Variants in SHC4 observed in about 807,000 individuals in gnomAD.
The protein encoded by SHC4 is SHC adaptor protein 4.
Under a neutral mutation model 69.4 loss-of-function variants are expected in SHC4, and 41 were observed. That is an observed-to-expected ratio of 0.59 (90% confidence interval 0.46 to 0.77). The LOEUF is 0.77. SHC4 is among the 30% of genes least tolerant of loss of function. The probability of loss-of-function intolerance (pLI) is 0.00; values close to 1 mark genes in which losing one functional copy is unlikely to be tolerated. For missense variants in SHC4, 777 were observed against 783.8 expected, an observed-to-expected ratio of 0.99 and a Z score of 0.10; for synonymous variants, 318 against 299.3, an observed-to-expected ratio of 1.06 and a Z score of -0.64.
At chr15:48,924,845 C>G (rs1900819694) in intron 2 of SHC4, 34 bp downstream of exon 2, 1 of 1,604,582 alleles carries the variant, frequency 6.2e-7, no homozygotes, top group Non-Finnish European at 8.5e-7. Context: ...TTAAACCATA[C>G]TCCTCAAAGC....
At chr15:48,954,086 G>C (rs1280249891) in intron 1 of SHC4, among the ~76,000 whole-genome samples, 1 of 152,164 alleles carries the variant, frequency 6.6e-6, no homozygotes, top group Non-Finnish European at 1.5e-5. Context: ...TCATCCCACT[G>C]GCTCAAGGTT....
At chr15:48,955,279 C>T (rs1901427142) in intron 1 of SHC4, among the ~76,000 whole-genome samples, 1 of 152,122 alleles carries the variant, frequency 6.6e-6, no homozygotes, top group African/African-American at 2.4e-5. Context: ...GTGTGCAAAC[C>T]TAGCCACCTT....
rs577706661 is a variant in SHC4 at position 48,834,955 on chromosome 15, A to C, written c.1551T>G (p.Ile517Met). Reference protein sequence around the residue: ...QPASSHSLPHIKQQLWSEECY... With the variant: ...QPASSHSLPHMKQQLWSEECY... ...ATTCTTCGCTCCACAGCTGCTGCTTAATGTGTGGCAAAGAATGTGAGCTGG... is the reference window on the plus strand; with the variant it reads ...ATTCTTCGCTCCACAGCTGCTGCTTCATGTGTGGCAAAGAATGTGAGCTGG... Residue 517 changes from isoleucine (I) to methionine (M), a missense_variant, in exon 11 of 12, where the codon ATT becomes ATG. Coordinates refer to ENST00000332408, the MANE Select transcript of SHC4 (RefSeq NM_203349.4). 2 of 1,613,560 alleles carry C rather than the reference A, an allele frequency of 1.2e-6. No homozygotes were observed. Among genetic ancestry groups the C allele is most frequent in the South Asian group, 2.2e-5 (2 of 91,002 alleles).
intron 2 of SHC4, among the ~76,000 whole-genome samples, chr15:48,916,177 T>C (rs1326145893): frequency 2.0e-5 from 3 of 151,168 alleles, no homozygotes; most frequent in Admixed American, 6.6e-5. Context: ...CAGAATGCTT[T>C]TCCTTCTAGA....
chr15:48,957,834 G>A (rs1303162104), intron 1 of SHC4, among the ~76,000 whole-genome samples: 1 of 152,184 alleles, frequency 6.6e-6, no homozygotes, highest in African/African-American at 2.4e-5. Context: ...AATGACTGAT[G>A]TTCTTATAAA....
intron 6 of SHC4, among the ~76,000 whole-genome samples, chr15:48,865,839 T>C (rs996903919): frequency 6.6e-6 from 1 of 152,134 alleles, no homozygotes; most frequent in African/African-American, 2.4e-5. Flanking sequence ...CTCTGACAAA[T>C]GACTCAGGCA....
rs764305228 is a variant in SHC4 at position 48,962,629 on chromosome 15, G to A, written c.387C>T (p.Gly129=). Residue 129 remains glycine, a synonymous_variant, in exon 1 of 12, where the codon GGC becomes GGT. Coordinates refer to ENST00000332408, the MANE Select transcript of SHC4 (RefSeq NM_203349.4). Reference sequence around the variant, plus strand: ...TTAAACTGGTTTCTGGGGAAGAGGGGCCGCTGGAACCTGGGTCCCGGCTTT... The same window carrying A: ...TTAAACTGGTTTCTGGGGAAGAGGGACCGCTGGAACCTGGGTCCCGGCTTT... The part of the protein sequence containing the change: ...LQESRDPGSS[G]PSSPETSLSR... 3.1e-6 allele frequency: 5 copies of A among 1,614,072 alleles called. No individual in the cohort carries two copies. The African/African-American group carries it at 4.0e-5, about 13-fold the overall frequency.
intron 1 of SHC4, among the ~76,000 whole-genome samples, chr15:48,957,910 G>T (rs1901480959): frequency 7.9e-5 from 12 of 152,228 alleles, no homozygotes; most frequent in Admixed American, 7.9e-4. Context: ...AGAGATTGGA[G>T]TGATGCATCT....
At position 48,825,654 on chromosome 15, in the gene SHC4, G is replaced by A. The variant is rs550550217; in HGVS notation, c.*317C>T. The A allele has an allele frequency of 1.3e-5, 3 of 225,356 alleles. No homozygotes were observed. Among genetic ancestry groups the A allele is most frequent in the South Asian group, 9.6e-5 (1 of 10,438 alleles). The allele number at this position is 225,356 out of a possible 1,614,324, so 14.0% of individuals were successfully genotyped here. Reference sequence around the variant, plus strand: ...ACCACTGCCCCAGCAGTTCATTCAAGTTGTCGTTAGCATGTGAAATTTTAG... The same window carrying A: ...ACCACTGCCCCAGCAGTTCATTCAAATTGTCGTTAGCATGTGAAATTTTAG... On this transcript the variant is annotated 3_prime_UTR_variant, in exon 12 of 12. Coordinates refer to ENST00000332408, the MANE Select transcript of SHC4 (RefSeq NM_203349.4).
intron 6 of SHC4, among the ~76,000 whole-genome samples, chr15:48,863,388 C>G (rs1899486569): frequency 2.0e-5 from 3 of 152,092 alleles, no homozygotes; most frequent in African/African-American, 2.4e-5. Context: ...GAATATTTTT[C>G]CCATATAATT....
chr15:48,859,050 GGT>G (rs1339476967), intron 6 of SHC4, among the ~76,000 whole-genome samples: 3 of 152,074 alleles, frequency 2.0e-5, no homozygotes, highest in Non-Finnish European at 4.4e-5. Flanking sequence ...TTTATGGACT[GGT>G]TTAACTATGC....
chr15:48,876,261 C>A (rs1041008838), intron 4 of SHC4, among the ~76,000 whole-genome samples: 2 of 152,162 alleles, frequency 1.3e-5, no homozygotes. Context: ...ATGCGGGTGA[C>A]AAATGAACAC....
chr15:48,891,237 C>A (rs962426240), intron 2 of SHC4, among the ~76,000 whole-genome samples: 2 of 150,218 alleles, frequency 1.3e-5, no homozygotes, highest in Admixed American at 1.3e-4. Context: ...CAATTAAATG[C>A]AAAAAGAACC....
At chr15:48,932,501 C>G (rs1050010524) in intron 1 of SHC4, among the ~76,000 whole-genome samples, 1 of 152,128 alleles carries the variant, frequency 6.6e-6, no homozygotes, top group African/African-American at 2.4e-5. Flanking sequence ...GCCTTTTCCT[C>G]CCCGCTTTTG....
At chr15:48,909,339 C>A (rs2141015825) in intron 2 of SHC4, among the ~76,000 whole-genome samples, 1 of 148,060 alleles carries the variant, frequency 6.8e-6, no homozygotes, top group South Asian at 2.1e-4. Context: ...TGATTTAATT[C>A]TCTGCTTGGT....
At chr15:48,863,826 T>C (rs550652427) in intron 6 of SHC4, among the ~76,000 whole-genome samples, 1 of 152,356 alleles carries the variant, frequency 6.6e-6, no homozygotes, top group East Asian at 1.9e-4. Context: ...CATGTTCTTT[T>C]GTGTGCTCAG....
At chr15:48,920,272 C>T (rs554806965) in intron 2 of SHC4, among the ~76,000 whole-genome samples, 5 of 151,852 alleles carry the variant, frequency 3.3e-5, no homozygotes, top group African/African-American at 9.7e-5. Flanking sequence ...CTGCCCGCCT[C>T]GGCCTCCCAA....
intron 1 of SHC4, among the ~76,000 whole-genome samples, chr15:48,927,772 C>T (rs144719108): frequency 2.0e-5 from 3 of 152,244 alleles, no homozygotes; most frequent in South Asian, 4.1e-4. Flanking sequence ...CAGGACAAAC[C>T]CCTTCTCATC....
intron 5 of SHC4, among the ~76,000 whole-genome samples, chr15:48,869,591 T>C (rs147700651): frequency 1.1e-3 from 169 of 152,304 alleles, no homozygotes; most frequent in Non-Finnish European, 1.9e-3. Context: ...TGTCAGGCAA[T>C]AGGGATTATC....
Sources: gnomAD v4.1 joint callset for allele counts (sites outside exome capture counted in the v4.1 genomes callset) on GRCh38, gnomAD v4.1.1 for gene constraint, MANE v1.5 for transcripts, NCBI Gene and HGNC (gene_info 2026-07-23, HGNC 2026-07-21) for gene names.